The following EBF2 variants were observed in gnomAD, a reference collection of about 807,000 sequenced individuals.
EBF2 encodes the protein EBF transcription factor 2.
Under a neutral mutation model 72.8 loss-of-function variants are expected in EBF2, and 21 were observed. The ratio of observed to expected loss-of-function variants is 0.29; its 90% confidence interval spans 0.20 to 0.42. The LOEUF (loss-of-function observed/expected upper bound fraction) is 0.42. Among genes scored for constraint, EBF2 ranks in the 10% least tolerant of loss-of-function variants. The pLI is 1.00. For synonymous variants in EBF2, 299 were observed against 274.2 expected (o/e 1.09, Z -0.89); for missense variants, 637 against 731.2 (o/e 0.87, Z 1.49).
intron 5 of EBF2, among the ~76,000 whole-genome samples, chr8:26,036,834 C>T (rs187741315): frequency 2.0e-5 from 3 of 152,054 alleles, no homozygotes; most frequent in East Asian, 3.9e-4. Context: ...GATTATTCTC[C>T]AACAAGCAAG....
At chr8:25,876,410 C>T (rs1004926933) in intron 10 of EBF2, among the ~76,000 whole-genome samples, 7 of 152,034 alleles carry the variant, frequency 4.6e-5, no homozygotes, top group Admixed American at 6.6e-5. Context: ...TATCCCAGAA[C>T]TTAAAGTAAA....
chr8:25,990,701 G>A (rs1804528690), intron 6 of EBF2, among the ~76,000 whole-genome samples: 1 of 152,154 alleles, frequency 6.6e-6, no homozygotes, highest in East Asian at 1.9e-4. Context: ...TCAGCCAAAT[G>A]GCATCAGGCT....
intron 10 of EBF2, among the ~76,000 whole-genome samples, chr8:25,869,876 G>C (rs1300797324): frequency 6.6e-6 from 1 of 152,146 alleles, no homozygotes. Context: ...CCTACAATGT[G>C]GGTTTTATCC....
intron 6 of EBF2, among the ~76,000 whole-genome samples, chr8:25,910,755 C>G (rs1390403055): frequency 4.6e-5 from 7 of 152,006 alleles, no homozygotes; most frequent in Admixed American, 1.3e-4. Flanking sequence ...ACCTACACAG[C>G]CCCGTGCACT....
chr8:25,931,432 C>T (rs749414303), intron 6 of EBF2, among the ~76,000 whole-genome samples: 17 of 152,194 alleles, frequency 1.1e-4, no homozygotes, highest in Non-Finnish European at 2.1e-4. Flanking sequence ...CCTTCCTATG[C>T]CATGTTCCTT....
chr8:25,948,881 A>T (rs917573830), intron 6 of EBF2, among the ~76,000 whole-genome samples: 33 of 152,152 alleles, frequency 2.2e-4, no homozygotes, highest in Admixed American at 6.5e-5. Context: ...CTTTAATCCA[A>T]ACTCTAACTA....
At chr8:25,908,966 G>A (rs1349295117) in intron 6 of EBF2, among the ~76,000 whole-genome samples, 2 of 152,168 alleles carry the variant, frequency 1.3e-5, no homozygotes, top group Non-Finnish European at 2.9e-5. Flanking sequence ...CGTCTGTGTG[G>A]CTCTCCACTG....
Position 26,044,342 on chromosome 8 carries a change from G to T in EBF2, c.131+387C>A, listed in dbSNP as rs1005195405. On this transcript the variant is annotated intron_variant, in intron 1 of 15. Coordinates refer to ENST00000520164, the MANE Select transcript of EBF2 (RefSeq NM_022659.4). The surrounding 1 kb of genome is among the most constrained non-coding windows in gnomAD (Gnocchi z 4.1). Reference sequence around the variant, plus strand: ...CGAAGCCAAGAGTGGCCAGGAAGCCGGCTTTCCTCCCGCGCCGCCACTGCC... The same window carrying T: ...CGAAGCCAAGAGTGGCCAGGAAGCCTGCTTTCCTCCCGCGCCGCCACTGCC... Among the ~76,000 whole-genome samples the T allele has an allele frequency of 6.6e-6, 1 of 152,260 alleles. No homozygotes were observed. The highest frequency in any genetic ancestry group is 2.4e-5 in the African/African-American group (1 of 41,468).
chr8:25,920,963 G>T (rs1465662767), intron 6 of EBF2, among the ~76,000 whole-genome samples: 1 of 152,142 alleles, frequency 6.6e-6, no homozygotes, highest in East Asian at 1.9e-4. Flanking sequence ...GACTGAAATA[G>T]AGAAACCGAG....
chr8:25,960,871 T>G lies in EBF2; in HGVS notation c.552-52316A>C, dbSNP rs190768149. On this transcript the variant is annotated intron_variant, in intron 6 of 15. Transcript: ENST00000520164. Reference sequence around the variant, plus strand: ...AGGTATCTTCCTTATCTCTTTCAATTCCCCTGTGTTAGACTGTTAAACCTG... The same window carrying G: ...AGGTATCTTCCTTATCTCTTTCAATGCCCCTGTGTTAGACTGTTAAACCTG... Among the ~76,000 whole-genome samples, 5 of 152,344 alleles carry G rather than the reference T, an allele frequency of 3.3e-5. No individual in the cohort carries two copies. In the East Asian group the frequency reaches 9.6e-4, roughly 29 times the overall value.
intron 15 of EBF2, 37 bp from the exon 16 acceptor site, chr8:25,844,677 G>A (rs1801796760): frequency 3.1e-6 from 5 of 1,613,568 alleles, no homozygotes; most frequent in East Asian, 2.2e-5. Context: ...GAGACTTGGG[G>A]ACTTTTTATG....
chr8:25,945,088 G>GCCCCCC (rs11461828), intron 6 of EBF2, among the ~76,000 whole-genome samples: 270 of 127,440 alleles, frequency 2.1e-3, no homozygotes, highest in African/African-American at 3.9e-3. Context: ...TTGTTCTGTT[G>GCCCCCC]CCCCCCCCGC....
chr8:26,042,337 G>A (rs765853683), intron 1 of EBF2, 86 bp from the exon 2 acceptor site: 8 of 1,472,782 alleles, frequency 5.4e-6, no homozygotes, highest in Non-Finnish European at 7.3e-6. Context: ...ACTGCAGAGG[G>A]GTAAGGGGTC....
intron 6 of EBF2, among the ~76,000 whole-genome samples, chr8:26,005,663 C>G (rs1024363623): frequency 2.8e-5 from 4 of 140,822 alleles, no homozygotes; most frequent in African/African-American, 5.4e-5. Flanking sequence ...GACTCTGTCT[C>G]TACAAAAAAA....
chr8:25,849,371 C>T (rs978682495), intron 15 of EBF2, among the ~76,000 whole-genome samples: 3 of 152,170 alleles, frequency 2.0e-5, no homozygotes, highest in African/African-American at 7.2e-5. Flanking sequence ...TGACCTCTCA[C>T]ACGTGTCCCA....
chr8:26,037,301 G>C (rs926149280), intron 5 of EBF2, among the ~76,000 whole-genome samples: 2 of 152,198 alleles, frequency 1.3e-5, no homozygotes, highest in African/African-American at 2.4e-5. Flanking sequence ...GCCTTGGACA[G>C]AGAGTGTCCC....
At chr8:25,890,193 C>T (rs991557383) in intron 7 of EBF2, among the ~76,000 whole-genome samples, 5 of 152,344 alleles carry the variant, frequency 3.3e-5, no homozygotes, top group African/African-American at 1.2e-4. Flanking sequence ...CCAGTGGAGC[C>T]TCCACCACAG....
At chr8:25,919,354 T>C (rs528312593) in intron 6 of EBF2, among the ~76,000 whole-genome samples, 18 of 152,248 alleles carry the variant, frequency 1.2e-4, no homozygotes, top group Non-Finnish European at 2.1e-4. Context: ...ATGCATGTTC[T>C]GGCAAGGAGA....
chr8:25,981,669 A>G (rs752980048), intron 6 of EBF2, among the ~76,000 whole-genome samples: 10 of 151,926 alleles, frequency 6.6e-5, no homozygotes, highest in Admixed American at 1.3e-4. Context: ...GGTAGCAGGC[A>G]CCTGTAATCC....
Sources: allele counts gnomAD v4.1 joint callset (sites outside exome capture counted in the v4.1 genomes callset), GRCh38; gene constraint gnomAD v4.1.1; non-coding constraint Gnocchi (gnomAD v3.1); transcripts MANE v1.5; gene names NCBI Gene and HGNC (gene_info 2026-07-23, HGNC 2026-07-21).